The following TSGA10 variants were observed in gnomAD, a reference collection of about 807,000 sequenced individuals.
TSGA10 encodes testis-specific gene 10 protein.
In TSGA10, 43 loss-of-function variants were observed where a neutral mutation model predicts 96.6. The observed-to-expected ratio is 0.44, with a 90% CI of 0.35 to 0.57. The LOEUF (loss-of-function observed/expected upper bound fraction) is 0.57. Ranked by LOEUF, TSGA10 falls within the 20% of genes least tolerant of loss-of-function variation. The pLI, the probability that TSGA10 is intolerant of heterozygous loss-of-function variation, is 0.01. For missense variants in TSGA10, 703 were observed against 834.4 expected, an observed-to-expected ratio of 0.84 and a Z score of 1.94; for synonymous variants, 229 against 269.9, an observed-to-expected ratio of 0.85 and a Z score of 1.48.
intron 10 of TSGA10, among the ~76,000 whole-genome samples, chr2:99,099,114 A>G (rs899320549): frequency 6.6e-5 from 10 of 152,166 alleles, no homozygotes; most frequent in Admixed American, 6.5e-4. Context: ...GGAGTTCAAG[A>G]CCAGCCTGAC....
Position 99,065,257 on chromosome 2 carries a change from T to C in TSGA10, c.1219-133A>G, listed in dbSNP as rs1182558924. ...ATAGAACCCTGAGGAAATATATCTA[T>C]ACTCTTAGTTTAGAAAACAGGTCAT... On this transcript the variant is annotated intron_variant, in intron 15 of 20. Transcript: ENST00000393483. 5.4e-6 allele frequency: 5 copies of C among 932,072 alleles called. 1 individual carries two copies. In the South Asian group the frequency reaches 6.1e-5, roughly 11 times the overall value. The allele number at this position is 932,072 out of a possible 1,614,324, so 57.7% of individuals were successfully genotyped here.
chr2:99,018,391 A>G (rs1027866502), intron 19 of TSGA10, 42 bp from the exon 20 acceptor site: 1 of 1,602,132 alleles, frequency 6.2e-7, no homozygotes, highest in African/African-American at 1.3e-5. Context: ...TATCCAGCAA[A>G]ATTATTAAAA....
chr2:99,046,140 C>T (rs542821780), intron 16 of TSGA10, among the ~76,000 whole-genome samples: 145 of 152,216 alleles, frequency 9.5e-4, no homozygotes, highest in African/African-American at 3.3e-3. Context: ...TTTAACACCC[C>T]ACTGTCAACA....
intron 1 of TSGA10, among the ~76,000 whole-genome samples, chr2:99,129,227 G>A (rs1378014621): frequency 6.6e-6 from 1 of 151,870 alleles, no homozygotes; most frequent in Non-Finnish European, 1.5e-5. Flanking sequence ...ATATATAGAA[G>A]AATTTATGTT....
At chr2:99,074,761 C>T (rs1046890495) in intron 12 of TSGA10, among the ~76,000 whole-genome samples, 2 of 151,972 alleles carry the variant, frequency 1.3e-5, no homozygotes, top group South Asian at 2.1e-4. Context: ...GAGTTTGAGA[C>T]CAGCCTGACC....
At chr2:99,001,328 C>T (rs928490572) in intron 20 of TSGA10, among the ~76,000 whole-genome samples, 2 of 152,138 alleles carry the variant, frequency 1.3e-5, no homozygotes, top group African/African-American at 4.8e-5. Context: ...GCTGGTGATA[C>T]CGAGGCAAAC....
At chr2:99,068,508 G>A (rs1179340931) in intron 15 of TSGA10, among the ~76,000 whole-genome samples, 1 of 152,158 alleles carries the variant, frequency 6.6e-6, no homozygotes, top group Admixed American at 6.5e-5. Flanking sequence ...AAAAAAAATA[G>A]ATGGTCCCAT....
intron 4 of TSGA10, among the ~76,000 whole-genome samples, chr2:99,111,985 G>A (rs1323184859): frequency 6.6e-6 from 1 of 151,898 alleles, no homozygotes; most frequent in Admixed American, 6.6e-5. Flanking sequence ...GGTATAACAA[G>A]GTATGATTAT....
At chr2:99,008,650 T>C (rs1052492420) in intron 20 of TSGA10, among the ~76,000 whole-genome samples, 1 of 152,196 alleles carries the variant, frequency 6.6e-6, no homozygotes, top group African/African-American at 2.4e-5. Flanking sequence ...TATTTACCCA[T>C]TGACCCAGCA....
At position 99,129,546 on chromosome 2, in the gene TSGA10, T is replaced by C. The variant is rs564745209; in HGVS notation, c.-620-2370A>G. Among the ~76,000 whole-genome samples the C allele has an allele frequency of 5.3e-5, 8 of 152,240 alleles. No homozygotes were observed. The East Asian group carries it at 1.5e-3, about 29-fold the overall frequency. On this transcript the variant is annotated intron_variant, in intron 1 of 20. Coordinates refer to ENST00000393483, the MANE Select transcript of TSGA10 (RefSeq NM_025244.4). ...CTAACCAATCATGCTGGAGTTGCTATCCTCCCTCCACCAGCTTTGGGGGCA... is the reference window on the plus strand; with the variant it reads ...CTAACCAATCATGCTGGAGTTGCTACCCTCCCTCCACCAGCTTTGGGGGCA...
rs561326359 is a variant in TSGA10 at position 99,069,242 on chromosome 2, T to C, written c.1108-244A>G. 3.3e-5 allele frequency among the ~76,000 whole-genome samples: 5 copies of C among 152,246 alleles called. 1 individual carries two copies. In the East Asian group the frequency reaches 9.6e-4, roughly 29 times the overall value. On this transcript the variant is annotated intron_variant, in intron 14 of 20. Transcript: ENST00000393483. ...AAAAAACTCTACTAGCAACTGAAGA[T>C]ATGCTAATTAAAACAACACATTACT...
At chr2:99,138,888 T>C (rs1292580012) in intron 1 of TSGA10, among the ~76,000 whole-genome samples, 1 of 152,176 alleles carries the variant, frequency 6.6e-6, no homozygotes, top group Non-Finnish European at 1.5e-5. Context: ...TTAATGTTAA[T>C]TGATGGAGAA....
chr2:99,078,404 T>A (rs1215308675), intron 12 of TSGA10, among the ~76,000 whole-genome samples: 2 of 152,148 alleles, frequency 1.3e-5, no homozygotes, highest in East Asian at 3.8e-4. Context: ...ATATCTGAAT[T>A]AGTTCTTGCC....
Position 99,088,121 on chromosome 2 carries a change from C to A in TSGA10, c.612-6724G>T, listed in dbSNP as rs181912552. On this transcript the variant is annotated intron_variant, in intron 10 of 20. Coordinates refer to ENST00000393483, the MANE Select transcript of TSGA10 (RefSeq NM_025244.4). ...TAATTCAGTGACTATTTTCTCAATT[C>A]TCTCAAGGATAGCCCAAAGCTAGTA... Among the ~76,000 whole-genome samples, 365 of 152,262 alleles carry A rather than the reference C, an allele frequency of 2.4e-3. 4 individuals are homozygous for A. Among genetic ancestry groups the A allele is most frequent in the Non-Finnish European group, 1.2e-3 (80 of 68,036 alleles).
intron 20 of TSGA10, among the ~76,000 whole-genome samples, chr2:99,001,816 G>T (rs557192924): frequency 1.1e-4 from 16 of 152,272 alleles, no homozygotes; most frequent in South Asian, 2.1e-4. Context: ...TAAAAACCAT[G>T]GCGCGAAAAC....
In TSGA10 at chr2:99,065,027, T is replaced by C; in HGVS notation, c.1316A>G (p.Asn439Ser). 2.5e-6 allele frequency: 4 copies of C among 1,614,046 alleles called. No homozygotes were observed. Among genetic ancestry groups the C allele is most frequent in the Non-Finnish European group, 3.4e-6 (4 of 1,179,942 alleles). ...NKARQSEADN[N>S]TLKLELITAE... ...AGTGATAAGTTCCAGTTTGAGGGTA[T>C]TGTTATCTGCCTCTGATTGACGGGC... is the stretch of plus-strand genomic sequence containing the variant. The change falls in exon 16 of 21, where the codon AAT (asparagine) becomes AGT (serine). Residue 439 changes from asparagine (N) to serine (S), a missense_variant. Asn to Ser is a conservative substitution (Grantham distance 46). This residue lies in a region of TSGA10 where 585 missense variants were observed against 656.8 expected (regional missense o/e 0.89). Transcript: ENST00000393483.
At chr2:99,097,600 G>T (rs534059968) in intron 10 of TSGA10, among the ~76,000 whole-genome samples, 1 of 152,128 alleles carries the variant, frequency 6.6e-6, no homozygotes, top group African/African-American at 2.4e-5. Context: ...TTTCTAAGCT[G>T]ACAGAAAACA....
Position 99,020,365 on chromosome 2 carries a change from C to T in TSGA10, c.1732G>A (p.Glu578Lys), listed in dbSNP as rs770177431. The change falls in exon 18 of 21, where the codon GAA (glutamate) becomes AAA (lysine). Residue 578 changes from glutamate to lysine, a missense_variant. This residue lies in a region of TSGA10 where 49 missense variants were observed against 96.4 expected (regional missense o/e 0.51). Coordinates refer to ENST00000393483, the MANE Select transcript of TSGA10 (RefSeq NM_025244.4). ...EALLVANRDK[E>K]YQSQIALQEK... The stretch of plus-strand genomic sequence containing the variant: ...TGAAGTGCTATCTGAGACTGATATT[C>T]TTTGTCTCGATTGGCCACCAGCAAA... 1 of 1,613,748 alleles carries T rather than the reference C, an allele frequency of 6.2e-7. No individual in the cohort carries two copies. Among genetic ancestry groups the T allele is most frequent in the East Asian group, 2.2e-5 (1 of 44,820 alleles).
chr2:99,099,258 G>A (rs775437350), intron 10 of TSGA10, among the ~76,000 whole-genome samples: 1 of 152,204 alleles, frequency 6.6e-6, no homozygotes, highest in Non-Finnish European at 1.5e-5. Flanking sequence ...GTTGCGGTGA[G>A]CCAAGATCGC....
Sources: allele counts gnomAD v4.1 joint callset (sites outside exome capture counted in the v4.1 genomes callset), GRCh38; gene constraint gnomAD v4.1.1; regional missense constraint gnomAD v4.1.1; transcripts MANE v1.5; gene names NCBI Gene and HGNC (gene_info 2026-07-23, HGNC 2026-07-21).